The following SLC25A21 variants were observed in gnomAD, a reference collection of about 807,000 sequenced individuals.
SLC25A21 encodes the protein mitochondrial 2-oxodicarboxylate carrier.
Under a neutral mutation model 43.8 loss-of-function variants are expected in SLC25A21, and 47 were observed. The observed-to-expected ratio is 1.07, with a 90% CI of 0.85 to 1.37. The LOEUF (loss-of-function observed/expected upper bound fraction) is 1.37. Among genes scored for constraint, SLC25A21 ranks in the 40% most tolerant of loss-of-function variants. SLC25A21 has a pLI of 0.00. For synonymous variants in SLC25A21, 131 were observed against 121.3 expected, an observed-to-expected ratio of 1.08 and a Z score of -0.52; for missense variants, 352 against 350.2, an observed-to-expected ratio of 1.00 and a Z score of -0.04.
At chr14:36,704,570 T>C (rs1883417846) in intron 7 of SLC25A21, among the ~76,000 whole-genome samples, 1 of 149,814 alleles carries the variant, frequency 6.7e-6, no homozygotes. Flanking sequence ...GGCAGGAGAA[T>C]CGCTTGAACC....
chr14:36,993,724 C>T (rs1041657414), intron 1 of SLC25A21, among the ~76,000 whole-genome samples: 1 of 152,064 alleles, frequency 6.6e-6, no homozygotes, highest in Non-Finnish European at 1.5e-5. Context: ...TAGTGTGGGA[C>T]TAACACAGCT....
chr14:36,991,657 C>A (rs1232244464), intron 1 of SLC25A21, among the ~76,000 whole-genome samples: 2 of 152,182 alleles, frequency 1.3e-5, no homozygotes, highest in Non-Finnish European at 1.5e-5. Context: ...TTGTCCAAGA[C>A]CACATAGCAA....
chr14:36,912,541 T>C (rs1458511240), intron 1 of SLC25A21, among the ~76,000 whole-genome samples: 1 of 152,228 alleles, frequency 6.6e-6, no homozygotes, highest in South Asian at 2.1e-4. Context: ...AGAGCTAGTC[T>C]CATTGGAAAG....
At chr14:36,878,120 T>C (rs1154124) in intron 1 of SLC25A21, among the ~76,000 whole-genome samples, 125,116 of 151,944 alleles carry the variant, frequency 0.82, 52,662 homozygotes, top group Non-Finnish European at 0.92. Context: ...CCTCTCTCCA[T>C]TGGTAAACAG....
intron 1 of SLC25A21, among the ~76,000 whole-genome samples, chr14:37,125,999 A>G (rs1205422187): frequency 6.6e-6 from 1 of 152,228 alleles, no homozygotes; most frequent in Non-Finnish European, 1.5e-5. Context: ...TGGGTAATAT[A>G]TAAAGATGTG....
intron 1 of SLC25A21, among the ~76,000 whole-genome samples, chr14:37,112,086 T>G (rs972021364): frequency 1.3e-5 from 2 of 152,200 alleles, no homozygotes; most frequent in Non-Finnish European, 2.9e-5. Context: ...CTTTTTATTT[T>G]ATTCCTCCCT....
chr14:36,938,728 A>G (rs1382782952), intron 1 of SLC25A21, among the ~76,000 whole-genome samples: 1 of 152,128 alleles, frequency 6.6e-6, no homozygotes, highest in African/African-American at 2.4e-5. Flanking sequence ...TTCCTGAACA[A>G]TAACTTAGAC....
rs1455211367 is a variant in SLC25A21, at chr14:36,943,258, TC to T, written c.71-68255del. On this transcript the variant is annotated intron_variant, in intron 1 of 9. Coordinates refer to ENST00000331299, the MANE Select transcript of SLC25A21 (RefSeq NM_030631.4). ...CAGGCTGAAGTGCAGTGGTGCAATC[TC>T]AACTCACTGCAGCTCTCTGCCTCCC... 1.1e-4 allele frequency among the ~76,000 whole-genome samples: 17 copies of T among 152,122 alleles called. 1 individual carries two copies. Among genetic ancestry groups the T allele is most frequent in the Admixed American group, 3.3e-4 (5 of 15,266 alleles).
At chr14:36,923,555 T>C (rs906947620) in intron 1 of SLC25A21, among the ~76,000 whole-genome samples, 2 of 152,310 alleles carry the variant, frequency 1.3e-5, no homozygotes, top group South Asian at 2.1e-4. Context: ...TTTAAATTCA[T>C]TTAAACAACA....
At chr14:36,842,553 C>T (rs189743984) in intron 2 of SLC25A21, among the ~76,000 whole-genome samples, 3 of 152,304 alleles carry the variant, frequency 2.0e-5, no homozygotes, top group Admixed American at 2.0e-4. Context: ...TACTACAGAA[C>T]TAAACTCCTG....
At chr14:36,838,133 G>A (rs995139524) in intron 2 of SLC25A21, among the ~76,000 whole-genome samples, 2 of 152,166 alleles carry the variant, frequency 1.3e-5, no homozygotes, top group Admixed American at 1.3e-4. Flanking sequence ...GAGGTGAAAC[G>A]TAAGGAAATG....
intron 7 of SLC25A21, among the ~76,000 whole-genome samples, chr14:36,690,996 G>T (rs1340761055): frequency 6.6e-6 from 1 of 152,198 alleles, no homozygotes; most frequent in Non-Finnish European, 1.5e-5. Context: ...CTCTGAGTCA[G>T]GTACTGGGTT....
chr14:36,744,864 T>C (rs1478593698), intron 3 of SLC25A21, among the ~76,000 whole-genome samples: 1 of 29,092 alleles, frequency 3.4e-5, no homozygotes, highest in Non-Finnish European at 6.0e-5. Flanking sequence ...GGCATTTTTC[T>C]TTTTTTTTAT....
At chr14:36,753,133 T>C (rs1028364670) in intron 3 of SLC25A21, among the ~76,000 whole-genome samples, 1 of 152,174 alleles carries the variant, frequency 6.6e-6, no homozygotes, top group African/African-American at 2.4e-5. Flanking sequence ...TGAAAAGTTC[T>C]GGAGGTGAAT....
intron 1 of SLC25A21, among the ~76,000 whole-genome samples, chr14:36,987,195 G>T (rs1960164702): frequency 6.6e-6 from 1 of 152,058 alleles, no homozygotes; most frequent in Non-Finnish European, 1.5e-5. Flanking sequence ...TTTGACACAT[G>T]GGAAAAAGGC....
intron 1 of SLC25A21, among the ~76,000 whole-genome samples, chr14:37,023,499 A>G (rs1041570773): frequency 1.2e-4 from 19 of 152,128 alleles, no homozygotes; most frequent in Admixed American, 1.2e-3. Context: ...TCTGTTAGAA[A>G]GAGCATTAAC....
At chr14:37,140,902 T>G (rs986156796) in intron 1 of SLC25A21, among the ~76,000 whole-genome samples, 3 of 152,278 alleles carry the variant, frequency 2.0e-5, no homozygotes, top group Non-Finnish European at 4.4e-5. Flanking sequence ...ATCCCAGCAC[T>G]TTGGGAGGCT....
Position 37,103,691 on chromosome 14 carries a change from C to A in SLC25A21, c.70+68590G>T, listed in dbSNP as rs1258678701. On this transcript the variant is annotated intron_variant, in intron 1 of 9. Transcript: ENST00000331299. ...ATCTCAAACCTTCTTCCCTTGCTGT[C>A]TAGACAACCAACCAGGATATTCATG... Among the ~76,000 whole-genome samples, 3 of 152,138 alleles carry A rather than the reference C, an allele frequency of 2.0e-5. No individual in the cohort carries two copies. The East Asian group carries it at 5.8e-4, about 29-fold the overall frequency.
intron 1 of SLC25A21, among the ~76,000 whole-genome samples, chr14:37,138,569 T>C (rs1250658325): frequency 2.6e-5 from 4 of 152,126 alleles, no homozygotes; most frequent in Admixed American, 2.6e-4. Context: ...TGCCTTAAAT[T>C]CATTTGTTCA....
Sources: gnomAD v4.1 joint callset for allele counts (sites outside exome capture counted in the v4.1 genomes callset) on GRCh38, gnomAD v4.1.1 for gene constraint, MANE v1.5 for transcripts, NCBI Gene and HGNC (gene_info 2026-07-23, HGNC 2026-07-21) for gene names.